SH3GL2: variants seen among roughly 807,000 people sequenced by gnomAD.
SH3GL2 encodes the protein SH3 domain containing GRB2 like 2, endophilin A1, also known as endophilin-A1.
Under a neutral mutation model 46.0 loss-of-function variants are expected in SH3GL2, and 24 were observed. That is an observed-to-expected ratio of 0.52 (90% CI 0.38 to 0.73). SH3GL2 has a LOEUF of 0.73. SH3GL2 is among the 30% of genes least tolerant of loss of function. SH3GL2 has a pLI of 0.00. For synonymous variants in SH3GL2, 196 were observed against 147.1 expected (o/e 1.33, Z -2.40); for missense variants, 413 against 424.2 (o/e 0.97, Z 0.23).
intron 1 of SH3GL2, among the ~76,000 whole-genome samples, chr9:17,644,553 T>C (rs895387998): frequency 3.3e-5 from 5 of 152,182 alleles, no homozygotes; most frequent in Non-Finnish European, 7.3e-5. Context: ...AAATAACTTA[T>C]TTGTTTCTGC....
chr9:17,662,342 G>A (rs755177552), intron 1 of SH3GL2, among the ~76,000 whole-genome samples: 1 of 152,214 alleles, frequency 6.6e-6, no homozygotes, highest in Non-Finnish European at 1.5e-5. Context: ...TAGAAGGAAT[G>A]CAAAGAAGCT....
chr9:17,723,792 C>T (rs1821954861), intron 1 of SH3GL2, among the ~76,000 whole-genome samples: 1 of 151,996 alleles, frequency 6.6e-6, no homozygotes, highest in South Asian at 2.1e-4. Context: ...CATGCCTTTC[C>T]TGATTTGCAC....
intron 3 of SH3GL2, among the ~76,000 whole-genome samples, chr9:17,765,839 C>T (rs1339258687): frequency 3.3e-5 from 5 of 152,200 alleles, no homozygotes; most frequent in Admixed American, 1.3e-4. Context: ...TTCACCACCA[C>T]ATCCCCAGCC....
intron 1 of SH3GL2, among the ~76,000 whole-genome samples, chr9:17,586,679 G>A (rs1409803646): frequency 6.6e-6 from 1 of 152,194 alleles, no homozygotes; most frequent in East Asian, 1.9e-4. Context: ...AGCAAAGTGG[G>A]GTAAAAGCCC....
At chr9:17,615,089 T>C (rs1254234149) in intron 1 of SH3GL2, among the ~76,000 whole-genome samples, 1 of 152,152 alleles carries the variant, frequency 6.6e-6, no homozygotes, top group Non-Finnish European at 1.5e-5. Context: ...TTGGGCTGTG[T>C]GCTGCCTACT....
chr9:17,655,901 G>A (rs775065712), intron 1 of SH3GL2, among the ~76,000 whole-genome samples: 1 of 152,178 alleles, frequency 6.6e-6, no homozygotes, highest in Non-Finnish European at 1.5e-5. Context: ...ACTTTGCACA[G>A]GGATCTGCAC....
At chr9:17,772,586 C>CAAAAAAG (rs1823517564) in intron 3 of SH3GL2, among the ~76,000 whole-genome samples, 2 of 152,200 alleles carry the variant, frequency 1.3e-5, no homozygotes, top group Non-Finnish European at 2.9e-5. Context: ...TAAGTGGAAT[C>CAAAAAAG]ACATAGCATT....
At chr9:17,654,553 A>G (rs895520800) in intron 1 of SH3GL2, among the ~76,000 whole-genome samples, 1 of 152,210 alleles carries the variant, frequency 6.6e-6, no homozygotes, top group Non-Finnish European at 1.5e-5. Flanking sequence ...GTGAAAGCGT[A>G]GATTAGGGCT....
chr9:17,719,644 T>G (rs1010744494), intron 1 of SH3GL2, among the ~76,000 whole-genome samples: 4 of 151,904 alleles, frequency 2.6e-5, no homozygotes, highest in African/African-American at 9.7e-5. Flanking sequence ...TAAAAAAAAT[T>G]TATCTTGGCA....
chr9:17,717,551 G>A (rs1340236273), intron 1 of SH3GL2, among the ~76,000 whole-genome samples: 1 of 152,068 alleles, frequency 6.6e-6, no homozygotes, highest in South Asian at 2.1e-4. Context: ...TCCTGTATCT[G>A]TGAGTGCCTC....
intron 1 of SH3GL2, among the ~76,000 whole-genome samples, chr9:17,610,229 A>G (rs1818835561): frequency 6.6e-6 from 1 of 152,160 alleles, no homozygotes; most frequent in Non-Finnish European, 1.5e-5. Context: ...AGAGTAAGTG[A>G]TAGCTTCCTT....
intron 1 of SH3GL2, among the ~76,000 whole-genome samples, chr9:17,628,776 G>C (rs73645106): frequency 6.6e-6 from 1 of 151,884 alleles, no homozygotes; most frequent in Non-Finnish European, 1.5e-5. Context: ...GTAAAATCCT[G>C]CCAACTGCCC....
At chr9:17,595,846 G>C (rs1018723501) in intron 1 of SH3GL2, among the ~76,000 whole-genome samples, 1 of 152,082 alleles carries the variant, frequency 6.6e-6, no homozygotes, top group Non-Finnish European at 1.5e-5. Flanking sequence ...AATGCACTGA[G>C]AATTTATAGA....
intron 1 of SH3GL2, among the ~76,000 whole-genome samples, chr9:17,733,786 A>G (rs1822250675): frequency 6.6e-6 from 1 of 152,126 alleles, no homozygotes; most frequent in Non-Finnish European, 1.5e-5. Context: ...AATACTATGC[A>G]GCTATAAAAA....
chr9:17,588,384 G>C (rs1304442943), intron 1 of SH3GL2, among the ~76,000 whole-genome samples: 1 of 152,160 alleles, frequency 6.6e-6, no homozygotes, highest in Non-Finnish European at 1.5e-5. Context: ...AACTTTGTAA[G>C]ACAAAAGGGA....
intron 1 of SH3GL2, among the ~76,000 whole-genome samples, chr9:17,696,145 C>A (rs1380414361): frequency 6.6e-6 from 1 of 152,056 alleles, no homozygotes; most frequent in Non-Finnish European, 1.5e-5. Flanking sequence ...AAAGTGGGGG[C>A]AGCTGGAGGA....
At chr9:17,638,337 G>A (rs573191677) in intron 1 of SH3GL2, among the ~76,000 whole-genome samples, 4 of 152,250 alleles carry the variant, frequency 2.6e-5, no homozygotes, top group African/African-American at 7.2e-5. Context: ...GGTTCCTGCT[G>A]TATTCCAGGC....
In SH3GL2 at chr9:17,628,891, C is replaced by T. The variant is rs902100391; in HGVS notation, c.45+49604C>T. ...GAAGCTTTAGTATTTTTAGAAGTAA[C>T]ACTCACTCTAGCACAGCATGCGGTG... On this transcript the variant is annotated intron_variant, in intron 1 of 8. Coordinates refer to ENST00000380607, the MANE Select transcript of SH3GL2 (RefSeq NM_003026.5). Among the ~76,000 whole-genome samples the T allele has an allele frequency of 3.9e-5, 6 of 152,076 alleles. No individual in the cohort carries two copies. The South Asian group carries it at 8.3e-4, about 21-fold the overall frequency.
At chr9:17,581,037 C>T (rs1355460419) in intron 1 of SH3GL2, among the ~76,000 whole-genome samples, 1 of 152,144 alleles carries the variant, frequency 6.6e-6, no homozygotes, top group Non-Finnish European at 1.5e-5. Flanking sequence ...GTTGTCTCTT[C>T]AGGGTTGAGG....
Sources: allele counts gnomAD v4.1 joint callset (sites outside exome capture counted in the v4.1 genomes callset), GRCh38; gene constraint gnomAD v4.1.1; transcripts MANE v1.5; gene names NCBI Gene and HGNC (gene_info 2026-07-23, HGNC 2026-07-21).